MAST4: variants seen among roughly 807,000 people sequenced by gnomAD.
The protein encoded by MAST4 is microtubule associated serine/threonine kinase family member 4.
Under a neutral mutation model 162.7 loss-of-function variants are expected in MAST4, and 89 were observed. The observed-to-expected ratio is 0.55, with a 90% CI of 0.46 to 0.65. The LOEUF (loss-of-function observed/expected upper bound fraction) is 0.65. Among genes scored for constraint, MAST4 ranks in the 30% least tolerant of loss-of-function variants. The pLI is 0.00. For missense variants in MAST4, 3,153 were observed against 3,374.0 expected (o/e 0.93, Z 1.62); for synonymous variants, 1,479 against 1,361.1 (o/e 1.09, Z -1.91).
At chr5:66,820,014 C>T (rs1014431452) in intron 3 of MAST4, among the ~76,000 whole-genome samples, 5 of 144,086 alleles carry the variant, frequency 3.5e-5, no homozygotes, top group Admixed American at 1.4e-4. Context: ...TTAAACATTA[C>T]AAACTATGTT....
chr5:66,613,138 A>G (rs1201209681), intron 1 of MAST4, among the ~76,000 whole-genome samples: 1 of 151,932 alleles, frequency 6.6e-6, no homozygotes, highest in Non-Finnish European at 1.5e-5. Context: ...GCATTCTTGA[A>G]CTCCTGGCCT....
intron 9 of MAST4, among the ~76,000 whole-genome samples, chr5:67,103,536 G>C (rs1554098465): frequency 6.6e-6 from 1 of 152,148 alleles, no homozygotes; most frequent in Non-Finnish European, 1.5e-5. Flanking sequence ...GGAAGGAGAG[G>C]GAGTCTCCCT....
chr5:66,953,328 C>T (rs771826109), intron 4 of MAST4, among the ~76,000 whole-genome samples: 1 of 152,158 alleles, frequency 6.6e-6, no homozygotes, highest in African/African-American at 2.4e-5. Context: ...AATCAAAACT[C>T]GTACGTTTAA....
At chr5:66,680,721 C>A (rs1004525081) in intron 1 of MAST4, among the ~76,000 whole-genome samples, 1 of 152,152 alleles carries the variant, frequency 6.6e-6, no homozygotes, top group Non-Finnish European at 1.5e-5. Context: ...GGTTTTTCCC[C>A]CTTCTTTGTG....
At position 67,104,349 on chromosome 5, in the gene MAST4, G is replaced by A. The variant is rs933732161; in HGVS notation, c.1147-17G>A. ...TTCCTCGTATTACATCTGTGTATGT[G>A]TGTCTTCTCTATATAGGCTACAGCT... On this transcript the variant is annotated splice_polypyrimidine_tract_variant and intron_variant, in intron 9 of 28. Coordinates refer to ENST00000403625, the MANE Select transcript of MAST4 (RefSeq NM_001164664.2). 2 of 1,579,852 alleles carry A rather than the reference G, an allele frequency of 1.3e-6. No homozygotes were observed. The highest frequency in any genetic ancestry group is 1.7e-5 in the Admixed American group (1 of 59,952).
intron 23 of MAST4, among the ~76,000 whole-genome samples, chr5:67,146,247 C>A (rs533143684): frequency 6.6e-6 from 1 of 152,326 alleles, no homozygotes; most frequent in East Asian, 1.9e-4. Context: ...ACAAGAGGAA[C>A]AGTGTCTTCA....
intron 4 of MAST4, among the ~76,000 whole-genome samples, chr5:66,947,166 T>G (rs1050160981): frequency 3.9e-5 from 6 of 152,146 alleles, no homozygotes; most frequent in Non-Finnish European, 7.4e-5. Context: ...ACTAATTCTT[T>G]TCACCTCTGG....
At chr5:67,107,105 C>A (rs1447822775) in intron 10 of MAST4, among the ~76,000 whole-genome samples, 1 of 152,178 alleles carries the variant, frequency 6.6e-6, no homozygotes, top group African/African-American at 2.4e-5. Context: ...CTGTAGTCAG[C>A]CTCTGTGAGA....
intron 1 of MAST4, among the ~76,000 whole-genome samples, chr5:66,613,512 T>G (rs985949708): frequency 6.6e-6 from 1 of 152,070 alleles, no homozygotes; most frequent in Non-Finnish European, 1.5e-5. Flanking sequence ...GGAGAAACTC[T>G]CAGCCCCTGA....
intron 14 of MAST4, among the ~76,000 whole-genome samples, chr5:67,123,142 C>T (rs556027643): frequency 6.6e-6 from 1 of 152,282 alleles, no homozygotes; most frequent in East Asian, 1.9e-4. Flanking sequence ...ACTGGCCCTT[C>T]TAGAAGCTTT....
chr5:66,924,115 A>G (rs984509686), intron 4 of MAST4, among the ~76,000 whole-genome samples: 2 of 152,084 alleles, frequency 1.3e-5, no homozygotes, highest in Non-Finnish European at 2.9e-5. Flanking sequence ...CTGACTCATC[A>G]GATTTGGTGC....
At chr5:66,735,202 G>T (rs1752086779) in intron 1 of MAST4, among the ~76,000 whole-genome samples, 1 of 152,098 alleles carries the variant, frequency 6.6e-6, no homozygotes, top group African/African-American at 2.4e-5. Context: ...AAACTAATAA[G>T]AAGTGCTCAG....
Position 67,114,132 on chromosome 5 carries a change from G to A in MAST4, c.1504G>A (p.Gly502Ser). ...EFYYLLEAAE[G>S]HAKEGQGIKT... ...TTACTACCTATTGGAAGCAGCAGAA[G>A]GCCATGCCAAAGAAGGACAGGGTAT... The change falls in exon 12 of 29, where the codon GGC becomes AGC. Residue 502 changes from glycine to serine, a missense_variant. By Grantham distance (56) the Gly-to-Ser change is moderately conservative. Transcript: ENST00000403625. 6.2e-7 allele frequency: 1 copy of A among 1,613,628 alleles called. No homozygotes were observed. The highest frequency in any genetic ancestry group is 8.5e-7 in the Non-Finnish European group (1 of 1,179,786).
intron 2 of MAST4, among the ~76,000 whole-genome samples, chr5:66,785,842 C>CT: frequency 6.6e-6 from 1 of 152,174 alleles, no homozygotes; most frequent in East Asian, 1.9e-4. Context: ...CAGAGACAGT[C>CT]TAATAATTAT....
At chr5:66,883,630 T>G (rs1483248260) in intron 3 of MAST4, among the ~76,000 whole-genome samples, 1 of 152,022 alleles carries the variant, frequency 6.6e-6, no homozygotes, top group African/African-American at 2.4e-5. Flanking sequence ...GATTTCACCA[T>G]GTTGGTCAGG....
intron 3 of MAST4, among the ~76,000 whole-genome samples, chr5:66,882,915 T>C (rs1024127391): frequency 6.6e-6 from 1 of 152,166 alleles, no homozygotes; most frequent in African/African-American, 2.4e-5. Flanking sequence ...AAATTACCGA[T>C]ACAAGAAGAA....
chr5:67,022,372 T>C (rs759667969), intron 4 of MAST4, among the ~76,000 whole-genome samples: 8 of 151,954 alleles, frequency 5.3e-5, no homozygotes, highest in Admixed American at 2.0e-4. Context: ...TGGTACATTA[T>C]TGCTAGAATG....
At chr5:66,819,213 C>T (rs748913921) in intron 3 of MAST4, among the ~76,000 whole-genome samples, 17 of 152,216 alleles carry the variant, frequency 1.1e-4, no homozygotes, top group African/African-American at 3.1e-4. Context: ...GGTGGAATGA[C>T]GAGCAAGATT....
intron 4 of MAST4, among the ~76,000 whole-genome samples, chr5:67,037,210 A>G (rs997494611): frequency 1.4e-4 from 21 of 152,104 alleles, no homozygotes; most frequent in African/African-American, 5.1e-4. Flanking sequence ...TCCAGGCAAC[A>G]TAGCAAGACC....
Sources: allele counts gnomAD v4.1 joint callset (sites outside exome capture counted in the v4.1 genomes callset), GRCh38; gene constraint gnomAD v4.1.1; transcripts MANE v1.5; gene names NCBI Gene and HGNC (gene_info 2026-07-23, HGNC 2026-07-21).